SLC12A8: variants seen among roughly 807,000 people sequenced by gnomAD.
SLC12A8 encodes solute carrier family 12 member 8.
Under a neutral mutation model 75.6 loss-of-function variants are expected in SLC12A8, and 69 were observed. The ratio of observed to expected loss-of-function variants is 0.91; its 90% CI spans 0.75 to 1.11. SLC12A8 has a LOEUF of 1.11. SLC12A8 is among the 50% of genes most tolerant of loss of function. The pLI is 0.00. For synonymous variants in SLC12A8, 365 were observed against 372.8 expected (o/e 0.98, Z 0.24); for missense variants, 877 against 896.7 (o/e 0.98, Z 0.28).
intron 13 of SLC12A8, among the ~76,000 whole-genome samples, chr3:125,084,661 C>G (rs1314348261): frequency 6.6e-6 from 1 of 152,144 alleles, no homozygotes; most frequent in East Asian, 1.9e-4. Flanking sequence ...GTTAGGGATG[C>G]ATAGGGAAAG....
chr3:125,137,836 G>C (rs1031305372), intron 5 of SLC12A8, among the ~76,000 whole-genome samples: 1 of 152,194 alleles, frequency 6.6e-6, no homozygotes, highest in African/African-American at 2.4e-5. Flanking sequence ...TCGTGGGCCT[G>C]CCTCAGTTGC....
rs145058849 is a variant in SLC12A8, at chr3:125,154,758, A to T, written c.623-18976T>A. On this transcript the variant is annotated intron_variant, in intron 5 of 13. Transcript: ENST00000469902. Reference sequence around the variant, plus strand: ...AATAATAAAATAGAACAACTCTAACAATATACTATAATAAAAGTTATGTGA... The same window carrying T: ...AATAATAAAATAGAACAACTCTAACTATATACTATAATAAAAGTTATGTGA... 3.9e-5 allele frequency: 6 copies of T among 152,354 alleles called. No homozygotes were observed. In the East Asian group the frequency reaches 1.2e-3, roughly 29 times the overall value. The allele number at this position is 152,354 out of a possible 1,614,324, so 9.4% of individuals were successfully genotyped here. A position where few individuals can be genotyped will look rare whatever the true frequency, so the allele number is the denominator to read the frequency against.
intron 2 of SLC12A8, among the ~76,000 whole-genome samples, chr3:125,194,949 G>A (rs1934977770): frequency 6.6e-6 from 1 of 152,272 alleles, no homozygotes; most frequent in Non-Finnish European, 1.5e-5. Context: ...CCGGCCCCAT[G>A]TGCTGGACCA....
intron 5 of SLC12A8, among the ~76,000 whole-genome samples, chr3:125,157,510 A>G (rs1316072604): frequency 6.6e-6 from 1 of 152,160 alleles, no homozygotes; most frequent in African/African-American, 2.4e-5. Context: ...CCATCACCTC[A>G]GGGAACTGGG....
chr3:125,095,671 G>T (rs955001139), intron 10 of SLC12A8, among the ~76,000 whole-genome samples: 2 of 152,096 alleles, frequency 1.3e-5, no homozygotes, highest in Non-Finnish European at 2.9e-5. Flanking sequence ...CCCTTCCTCT[G>T]CCTGAAATCT....
chr3:125,169,387 C>T (rs1277405294), intron 5 of SLC12A8, among the ~76,000 whole-genome samples: 2 of 152,038 alleles, frequency 1.3e-5, no homozygotes, highest in Non-Finnish European at 2.9e-5. Context: ...AAGAGGGGCC[C>T]AGGCTGCCAG....
At chr3:125,201,268 G>C (rs939962984) in intron 2 of SLC12A8, among the ~76,000 whole-genome samples, 13 of 152,032 alleles carry the variant, frequency 8.6e-5, no homozygotes, top group African/African-American at 3.1e-4. Context: ...GCCAGACATG[G>C]TGGCATGTGC....
At chr3:125,116,168 G>A (rs886516573) in intron 8 of SLC12A8, among the ~76,000 whole-genome samples, 3 of 152,228 alleles carry the variant, frequency 2.0e-5, no homozygotes, top group African/African-American at 7.2e-5. Flanking sequence ...CCTTTAGGGG[G>A]TGGGTAGTGG....
chr3:125,154,964 C>G (rs185148036), intron 5 of SLC12A8: 1 of 152,172 alleles, frequency 6.6e-6, no homozygotes, highest in African/African-American at 2.4e-5. Flanking sequence ...GACCTGATAA[C>G]CAAGCCAGGT....
intron 2 of SLC12A8, among the ~76,000 whole-genome samples, chr3:125,201,963 AGG>A (rs555123655): frequency 1.1e-3 from 161 of 152,264 alleles, no homozygotes; most frequent in Non-Finnish European, 1.5e-3. Flanking sequence ...GCTGGAGTGC[AGG>A]GGTTTGATCT....
At chr3:125,105,348 T>C (rs1938997338) in intron 10 of SLC12A8, among the ~76,000 whole-genome samples, 1 of 152,146 alleles carries the variant, frequency 6.6e-6, no homozygotes, top group African/African-American at 2.4e-5. Flanking sequence ...AGACAACAGC[T>C]TTGTAGCAGA....
At position 125,190,276 on chromosome 3, in the gene SLC12A8, G is replaced by A. The variant is rs961728992; in HGVS notation, c.198+99C>T. The stretch of plus-strand genomic sequence containing the variant: ...TGTTTCGTGTTTCAGGAGCATCTGT[G>A]CTTCAGGAATCTGTGGCCTGCACTG... On this transcript the variant is annotated intron_variant, in intron 3 of 13. Coordinates refer to ENST00000469902, the MANE Select transcript of SLC12A8 (RefSeq NM_024628.6). 2.3e-6 allele frequency: 3 copies of A among 1,310,164 alleles called. No individual in the cohort carries two copies. The Admixed American group carries it at 6.3e-5, about 28-fold the overall frequency. The allele number at this position is 1,310,164 out of a possible 1,614,324, so 81.2% of individuals were successfully genotyped here. A position where few individuals can be genotyped will look rare whatever the true frequency, so the allele number is the denominator to read the frequency against.
chr3:125,161,292 GA>G (rs1934161803), intron 5 of SLC12A8, among the ~76,000 whole-genome samples: 1 of 152,214 alleles, frequency 6.6e-6, no homozygotes, highest in African/African-American at 2.4e-5. Context: ...GCTAGAACTG[GA>G]AAAGCCTGAT....
intron 2 of SLC12A8, among the ~76,000 whole-genome samples, chr3:125,196,251 G>A (rs945874660): frequency 4.6e-5 from 7 of 152,142 alleles, no homozygotes; most frequent in Non-Finnish European, 7.4e-5. Flanking sequence ...AATGAATGAC[G>A]TAACCATACT....
chr3:125,208,936 T>C (rs1177727617), intron 2 of SLC12A8, among the ~76,000 whole-genome samples: 1 of 152,094 alleles, frequency 6.6e-6, no homozygotes, highest in Non-Finnish European at 1.5e-5. Flanking sequence ...TGAGCCACTT[T>C]CTAATCACCG....
intron 12 of SLC12A8, 141 bp downstream of exon 12, chr3:125,091,298 C>T: frequency 1.6e-6 from 1 of 633,876 alleles, no homozygotes; most frequent in Non-Finnish European, 2.9e-6. Context: ...TCACAGTTCT[C>T]CTCCTAGACT....
At chr3:125,200,249 G>A (rs1254672205) in intron 2 of SLC12A8, among the ~76,000 whole-genome samples, 1 of 152,138 alleles carries the variant, frequency 6.6e-6, no homozygotes, top group African/African-American at 2.4e-5. Context: ...AGGAGTTTGA[G>A]ACCAGCCTGG....
chr3:125,204,464 GA>G (rs1419472986), intron 2 of SLC12A8, among the ~76,000 whole-genome samples: 2 of 152,180 alleles, frequency 1.3e-5, no homozygotes, highest in African/African-American at 4.8e-5. Flanking sequence ...TAGGTTAAGT[GA>G]AATTAACCAG....
intron 2 of SLC12A8, among the ~76,000 whole-genome samples, 189 bp from the exon 3 acceptor site, chr3:125,190,710 G>A (rs1934894868): frequency 6.6e-6 from 1 of 152,234 alleles, no homozygotes; most frequent in Admixed American, 6.5e-5. Context: ...CACACATCTT[G>A]AAGCATACCT....
Sources: gnomAD v4.1 joint callset for allele counts (sites outside exome capture counted in the v4.1 genomes callset) on GRCh38, gnomAD v4.1.1 for gene constraint, MANE v1.5 for transcripts, NCBI Gene and HGNC (gene_info 2026-07-23, HGNC 2026-07-21) for gene names.